Variants in RIMS2 observed in about 807,000 individuals in gnomAD.
RIMS2 encodes regulating synaptic membrane exocytosis 2.
RIMS2 carries 59 observed loss-of-function variants against 174.4 expected under a neutral mutation model. The observed-to-expected ratio is 0.34, with a 90% CI of 0.27 to 0.42. RIMS2 has a LOEUF of 0.42. Among genes scored for constraint, RIMS2 ranks in the 10% least tolerant of loss-of-function variants. RIMS2 has a pLI of 1.00. For synonymous variants in RIMS2, 606 were observed against 572.5 expected (o/e 1.06, Z -0.84); for missense variants, 1,620 against 1,666.3 (o/e 0.97, Z 0.48).
chr8:103,798,199 ATATAGT>A lies in RIMS2; in HGVS notation c.698+31667_698+31672del, dbSNP rs1282066770. Among the ~76,000 whole-genome samples the A allele has an allele frequency of 3.3e-5, 5 of 152,326 alleles. No individual in the cohort carries two copies. In the South Asian group the frequency reaches 8.3e-4, roughly 25 times the overall value. On this transcript the variant is annotated intron_variant, in intron 3 of 23. Coordinates refer to ENST00000504942, the Ensembl canonical transcript of RIMS2. ...ATAATCTAATAAGTCAGGATTAATG[ATATAGT>A]TATATAAACATAAATATTTGAAATG...
intron 9 of RIMS2, 135 bp downstream of exon 12, chr8:103,918,622 G>T: frequency 1.5e-6 from 1 of 652,506 alleles, no homozygotes; most frequent in Non-Finnish European, 2.7e-6. Flanking sequence ...TATAAAGATG[G>T]AAAATTTAGT....
intron 15 of RIMS2, among the ~76,000 whole-genome samples, chr8:103,962,202 C>T (rs2090361185): frequency 6.6e-6 from 1 of 151,814 alleles, no homozygotes; most frequent in Admixed American, 6.6e-5. Context: ...ATGTTTCTGT[C>T]CTTTCATTTT....
intron 1 of RIMS2, among the ~76,000 whole-genome samples, chr8:103,689,759 AAC>A (rs1210400763): frequency 2.0e-5 from 3 of 152,196 alleles, no homozygotes; most frequent in Non-Finnish European, 2.9e-5. Flanking sequence ...TGCACAGAAA[AAC>A]ACAAAATATT....
intron 19 of RIMS2, among the ~76,000 whole-genome samples, chr8:104,237,769 C>A (rs947040860): frequency 1.3e-5 from 2 of 152,054 alleles, no homozygotes; most frequent in African/African-American, 4.8e-5. Flanking sequence ...CCTGGATTAG[C>A]CCAGACGAAA....
chr8:103,753,057 T>C (rs1278467077), intron 2 of RIMS2, among the ~76,000 whole-genome samples: 3 of 152,094 alleles, frequency 2.0e-5, no homozygotes, highest in Admixed American at 6.6e-5. Flanking sequence ...TTCAGTATGA[T>C]ATTGGCTGTG....
intron 1 of RIMS2, among the ~76,000 whole-genome samples, chr8:103,538,751 C>T (rs1841087511): frequency 6.6e-6 from 1 of 152,184 alleles, no homozygotes; most frequent in Non-Finnish European, 1.5e-5. Context: ...CCGTGATCCA[C>T]CCGCCTTGGC....
At chr8:103,575,841 C>A (rs1218675395) in intron 1 of RIMS2, among the ~76,000 whole-genome samples, 2 of 152,040 alleles carry the variant, frequency 1.3e-5, no homozygotes, top group African/African-American at 4.8e-5. Context: ...TCCCCACAAT[C>A]TGCCTGGCAC....
chr8:103,851,951 G>A (rs1255626477), intron 3 of RIMS2, among the ~76,000 whole-genome samples: 1 of 151,898 alleles, frequency 6.6e-6, no homozygotes, highest in Middle Eastern at 3.4e-3. Context: ...GCATGTTTTT[G>A]TATCTCTCAT....
At chr8:103,717,296 CTTTT>C (rs2097382764) in intron 2 of RIMS2, among the ~76,000 whole-genome samples, 1 of 135,876 alleles carries the variant, frequency 7.4e-6, no homozygotes, top group African/African-American at 2.7e-5. Flanking sequence ...CAATTTCTTT[CTTTT>C]TCTTTCCTTA....
chr8:103,786,055 C>A (rs2098440433), intron 3 of RIMS2, among the ~76,000 whole-genome samples: 1 of 152,124 alleles, frequency 6.6e-6, no homozygotes, highest in African/African-American at 2.4e-5. Flanking sequence ...AGTTTATTTG[C>A]GTAGAGTTGT....
At chr8:103,998,296 C>T in intron 17 of RIMS2, 2 of 1,284,522 alleles carry the variant, frequency 1.6e-6, no homozygotes, top group Non-Finnish European at 2.3e-6. Context: ...TTGCTTGTGC[C>T]TGTGTATTGA....
At chr8:104,064,842 A>T (rs565680127) in intron 19 of RIMS2, among the ~76,000 whole-genome samples, 3 of 152,078 alleles carry the variant, frequency 2.0e-5, no homozygotes, top group Non-Finnish European at 4.4e-5. Context: ...TCTCAATCAA[A>T]TTTTTTTACA....
At chr8:103,549,674 G>A (rs1207901278) in intron 1 of RIMS2, among the ~76,000 whole-genome samples, 3 of 152,120 alleles carry the variant, frequency 2.0e-5, no homozygotes, top group South Asian at 2.1e-4. Flanking sequence ...ACACAGACTG[G>A]CAAATTGGAT....
chr8:103,588,950 A>G (rs919980447), intron 1 of RIMS2, among the ~76,000 whole-genome samples: 16 of 151,994 alleles, frequency 1.1e-4, no homozygotes, highest in South Asian at 4.1e-4. Flanking sequence ...AGCAAAGGAT[A>G]CAATCAACAA....
At chr8:103,632,731 ATTT>A (rs61579273) in intron 1 of RIMS2, among the ~76,000 whole-genome samples, 5,380 of 70,048 alleles carry the variant, frequency 0.077, 110 homozygotes, top group South Asian at 0.1. Flanking sequence ...ATATTTATTG[ATTT>A]TTTTTTTTTT....
intron 19 of RIMS2, among the ~76,000 whole-genome samples, chr8:104,166,228 G>A (rs910359740): frequency 1.2e-4 from 18 of 151,534 alleles, no homozygotes; most frequent in African/African-American, 3.6e-4. Context: ...CACCACGCCC[G>A]GCTAATTTTT....
chr8:103,714,838 G>A (rs1429353349), intron 2 of RIMS2, among the ~76,000 whole-genome samples: 1 of 151,996 alleles, frequency 6.6e-6, no homozygotes, highest in South Asian at 2.1e-4. Context: ...AGTAAGGATG[G>A]CCATAAGGAT....
chr8:104,248,648 C>G, intron 20 of RIMS2, 53 bp from the exon 27 acceptor site: 1 of 976,740 alleles, frequency 1.0e-6, no homozygotes, highest in South Asian at 1.3e-5. Context: ...CCAAGCTTAC[C>G]TGAAAATAAA....
intron 1 of RIMS2, among the ~76,000 whole-genome samples, chr8:103,639,548 T>C (rs1284863453): frequency 1.3e-5 from 2 of 151,968 alleles, no homozygotes; most frequent in Non-Finnish European, 2.9e-5. Context: ...TCAAACCTTA[T>C]GTAGCTTTTT....
Sources: allele counts gnomAD v4.1 joint callset (sites outside exome capture counted in the v4.1 genomes callset), GRCh38; gene constraint gnomAD v4.1.1; transcripts MANE v1.5; gene names NCBI Gene and HGNC (gene_info 2026-07-23, HGNC 2026-07-21).